CSMD2: variants seen among roughly 807,000 people sequenced by gnomAD.
CSMD2 encodes the protein CUB and Sushi multiple domains 2.
CSMD2 carries 130 observed loss-of-function variants against 398.5 expected under a neutral mutation model. The observed-to-expected ratio is 0.33, with a 90% CI of 0.28 to 0.38. The LOEUF (loss-of-function observed/expected upper bound fraction) is 0.38, where lower values mean the gene tolerates loss of function less well. Among genes scored for constraint, CSMD2 ranks in the 10% least tolerant of loss-of-function variants. The probability of loss-of-function intolerance (pLI) is 1.00; values close to 1 mark genes in which losing one functional copy is unlikely to be tolerated. For missense variants in CSMD2, 3,829 were observed against 4,764.9 expected, an observed-to-expected ratio of 0.80 and a Z score of 5.78; for synonymous variants, 1,828 against 1,908.5, an observed-to-expected ratio of 0.96 and a Z score of 1.10.
rs569672078 is a variant in CSMD2, at chr1:33,611,098, C to T, written c.6286G>A (p.Val2096Met). ...TGGGAGTGGTCGCTGTGGAAATACACGGTGGTCTCGTGGGACGTGGAGAGG... is the reference window on the plus strand; with the variant it reads ...TGGGAGTGGTCGCTGTGGAAATACATGGTGGTCTCGTGGGACGTGGAGAGG... Reference protein sequence around the residue: ...SLLSTSHETTVYFHSDHSQNR... With the variant: ...SLLSTSHETTMYFHSDHSQNR... The change falls in exon 41 of 71, where the codon GTG becomes ATG. Residue 2096 changes from valine to methionine, a missense_variant. Physicochemically the swap from Val to Met is conservative, Grantham distance 21 (BLOSUM62 1). Around this residue, in one of 5 missense-constraint regions of CSMD2, gnomAD observed 2,001 missense variants for 2,567.1 expected, o/e 0.78. Transcript: ENST00000373381. 1.2e-5 allele frequency: 19 copies of T among 1,614,042 alleles called. No individual in the cohort carries two copies. Among genetic ancestry groups the T allele is most frequent in the Admixed American group, 5.0e-5 (3 of 60,014 alleles).
At chr1:33,765,967 A>G (rs1557861074) in intron 13 of CSMD2, among the ~76,000 whole-genome samples, 1 of 152,168 alleles carries the variant, frequency 6.6e-6, no homozygotes, top group East Asian at 1.9e-4. Flanking sequence ...GTCTCTATCC[A>G]GTGCCCTGTG....
chr1:33,936,940 C>A (rs1558130421), intron 3 of CSMD2, among the ~76,000 whole-genome samples: 1 of 152,200 alleles, frequency 6.6e-6, no homozygotes, highest in African/African-American at 2.4e-5. Flanking sequence ...AGAGGCCATG[C>A]AGCCGGATGG....
intron 3 of CSMD2, among the ~76,000 whole-genome samples, chr1:34,011,455 G>C (rs1647312432): frequency 6.6e-6 from 1 of 152,180 alleles, no homozygotes; most frequent in South Asian, 2.1e-4. Context: ...AACGAAGAGA[G>C]GCTATGAGCA....
intron 50 of CSMD2, 83 bp downstream of exon 50, chr1:33,572,423 C>A: frequency 8.2e-7 from 1 of 1,221,890 alleles, no homozygotes; most frequent in South Asian, 2.1e-5. Flanking sequence ...CATTACTTTG[C>A]TTTTAGCTCA....
intron 6 of CSMD2, 116 bp downstream of exon 6, chr1:33,846,768 A>T (rs1464513086): frequency 7.4e-6 from 4 of 538,420 alleles, no homozygotes; most frequent in Non-Finnish European, 1.3e-5. Context: ...AGAAACGTAC[A>T]AAGAAGGCAA....
intron 13 of CSMD2, among the ~76,000 whole-genome samples, chr1:33,761,935 C>A (rs1329356576): frequency 6.6e-6 from 1 of 152,118 alleles, no homozygotes; most frequent in Non-Finnish European, 1.5e-5. Context: ...ATCAGGTAGC[C>A]TAGGGCCAGG....
chr1:34,056,345 T>C (rs1456413868), intron 2 of CSMD2, among the ~76,000 whole-genome samples: 1 of 152,220 alleles, frequency 6.6e-6, no homozygotes, highest in East Asian at 1.9e-4. Context: ...GACTGAGTTC[T>C]CCAAGGTCAG....
chr1:33,625,209 G>C lies in CSMD2; in HGVS notation c.5342C>G (p.Pro1781Arg), dbSNP rs753667361. Residue 1781 changes from proline (P) to arginine (R), a missense_variant, in exon 34 of 71, where the codon CCC (proline) becomes CGC (arginine). This residue lies in a region of CSMD2 where 2,001 missense variants were observed against 2,567.1 expected (regional missense o/e 0.78). Coordinates refer to ENST00000373381, the MANE Select transcript of CSMD2 (RefSeq NM_001281956.2). ...ACTGCCCAGCCTCTTGCCATAGCGG[G>C]GTTCCGGCACAGAGCTGCACTGCGT... ...SATQCSSVPE[P>R]RYGKRLGSDF... The C allele has an allele frequency of 6.2e-7, 1 of 1,613,798 alleles. No individual in the cohort carries two copies. The highest frequency in any genetic ancestry group is 1.1e-5 in the South Asian group (1 of 91,032).
chr1:33,543,521 AG>A (rs567436493), intron 57 of CSMD2, among the ~76,000 whole-genome samples: 137 of 152,368 alleles, frequency 9.0e-4, no homozygotes, highest in South Asian at 5.2e-3. Flanking sequence ...GCATTGGATA[AG>A]AAGCAAAGAA....
chr1:33,545,953 G>T, intron 57 of CSMD2, 84 bp downstream of exon 57: 2 of 1,349,682 alleles, frequency 1.5e-6, no homozygotes, highest in Non-Finnish European at 1.0e-6. Flanking sequence ...TTCTGTGAGC[G>T]CAGGTGCCTG....
Position 33,633,991 on chromosome 1 carries a change from G to A in CSMD2, c.5087-456C>T, listed in dbSNP as rs1642640605. Among the ~76,000 whole-genome samples the A allele has an allele frequency of 6.6e-6, 1 of 152,220 alleles. No individual in the cohort carries two copies. Among genetic ancestry groups the A allele is most frequent in the African/African-American group, 2.4e-5 (1 of 41,454 alleles). ...AACTGTATACAGAGATCTGTAGTCA[G>A]TGCTGTGAGCTCCTTATCACTGGAG... On this transcript the variant is annotated intron_variant, in intron 31 of 70. Transcript: ENST00000373381. The surrounding 1 kb of genome is among the most constrained non-coding windows in gnomAD (Gnocchi z 5.0).
chr1:33,525,060 A>C lies in CSMD2; in HGVS notation c.10235-17T>G. The C allele has an allele frequency of 6.2e-7, 1 of 1,613,796 alleles. No homozygotes were observed. Among genetic ancestry groups the C allele is most frequent in the Non-Finnish European group, 8.5e-7 (1 of 1,179,818 alleles). ...CCCCAGGAACTAGAGGAATTGAGAA[A>C]TAGATGTGAGAGGGACTTTGTGTGT... On this transcript the variant is annotated splice_polypyrimidine_tract_variant and intron_variant, in intron 65 of 70. Transcript: ENST00000373381.
intron 3 of CSMD2, among the ~76,000 whole-genome samples, chr1:33,948,091 T>C (rs892225350): frequency 2.6e-5 from 4 of 152,182 alleles, no homozygotes; most frequent in African/African-American, 9.7e-5. Flanking sequence ...CCTACAGGTC[T>C]CCCTAACTGG....
chr1:33,581,090 GTGCTCTAGGAAGTCCC>G (rs1462880987), intron 47 of CSMD2, among the ~76,000 whole-genome samples, 191 bp from the exon 48 acceptor site: 1 of 151,228 alleles, frequency 6.6e-6, no homozygotes, highest in African/African-American at 2.5e-5. Context: ...CTCTAAAGCA[GTGCTCTAGGAAGTCCC>G]TGCCTACCTC....
chr1:34,121,609 C>T (rs1662193662), intron 1 of CSMD2, among the ~76,000 whole-genome samples: 1 of 152,150 alleles, frequency 6.6e-6, no homozygotes, highest in African/African-American at 2.4e-5. Flanking sequence ...CCAGGTGATA[C>T]TGATATAAAT....
At chr1:33,646,192 GCAC>G (rs1643415198) in intron 29 of CSMD2, among the ~76,000 whole-genome samples, 1 of 152,170 alleles carries the variant, frequency 6.6e-6, no homozygotes, top group Admixed American at 6.5e-5. Context: ...AGAGGTCTAA[GCAC>G]CATGACCCTA....
chr1:33,868,534 G>C (rs1163508739), intron 5 of CSMD2, among the ~76,000 whole-genome samples: 1 of 152,090 alleles, frequency 6.6e-6, no homozygotes, highest in Non-Finnish European at 1.5e-5. Context: ...TCAGGAATTT[G>C]AGACCAGCCT....
At chr1:33,869,937 A>ATATT in intron 5 of CSMD2, among the ~76,000 whole-genome samples, 1 of 152,346 alleles carries the variant, frequency 6.6e-6, no homozygotes, top group African/African-American at 2.4e-5. Flanking sequence ...GGGAATAAGT[A>ATATT]TATTTATTTA....
At chr1:34,030,973 G>A (rs1346803970) in intron 3 of CSMD2, among the ~76,000 whole-genome samples, 1 of 152,210 alleles carries the variant, frequency 6.6e-6, no homozygotes, top group Non-Finnish European at 1.5e-5. Context: ...CTTCTGAAGA[G>A]GCTTCTCCTA....
Sources: allele counts gnomAD v4.1 joint callset (sites outside exome capture counted in the v4.1 genomes callset), GRCh38; gene constraint gnomAD v4.1.1; regional missense constraint gnomAD v4.1.1; non-coding constraint Gnocchi (gnomAD v3.1); transcripts MANE v1.5; gene names NCBI Gene and HGNC (gene_info 2026-07-23, HGNC 2026-07-21).